The following SCHIP1 variants were observed in gnomAD, a reference collection of about 807,000 sequenced individuals.
The protein encoded by SCHIP1 is schwannomin interacting protein 1, also known as schwannomin-interacting protein 1.
SCHIP1 carries 8 observed loss-of-function variants against 29.7 expected under a neutral mutation model. That is an observed-to-expected ratio of 0.27 (90% CI 0.16 to 0.49). The LOEUF is 0.49. Among genes scored for constraint, SCHIP1 ranks in the 20% least tolerant of loss-of-function variants. SCHIP1 has a pLI of 0.99. For synonymous variants in SCHIP1, 76 were observed against 94.9 expected (o/e 0.80, Z 1.16); for missense variants, 193 against 294.6 (o/e 0.66, Z 2.52).
chr3:159,411,925 TGAAAG>T, the SCHIP1 span, among the ~76,000 whole-genome samples: 2 of 152,158 alleles, frequency 1.3e-5, no homozygotes, highest in South Asian at 2.1e-4. Context: ...AGCCTAGACT[TGAAAG>T]AGAAGAGCAA....
chr3:159,764,834 T>A, the SCHIP1 span: 6 of 1,590,114 alleles, frequency 3.8e-6, no homozygotes, highest in Non-Finnish European at 5.1e-6. The surrounding 1 kb of genome is among the most constrained non-coding windows in gnomAD (Gnocchi z 6.1). Context: ...AACGGCAACC[T>A]CCACCAGCAC....
chr3:159,346,647 C>T, the SCHIP1 span, among the ~76,000 whole-genome samples: 1 of 152,008 alleles, frequency 6.6e-6, no homozygotes, highest in South Asian at 2.1e-4. Context: ...CTTAGTGCAT[C>T]GTAGAGAATA....
At chr3:159,358,416 G>C in the SCHIP1 span, among the ~76,000 whole-genome samples, 1 of 152,200 alleles carries the variant, frequency 6.6e-6, no homozygotes, top group Non-Finnish European at 1.5e-5. Context: ...TTGGGAAATG[G>C]CAAGAGATAT....
the SCHIP1 span, among the ~76,000 whole-genome samples, chr3:159,341,305 C>T: frequency 2.4e-4 from 37 of 152,112 alleles, no homozygotes; most frequent in Non-Finnish European, 4.0e-4. Context: ...TAGAGTGCCT[C>T]TCTCAACTCC....
chr3:159,309,155 AC>A, the SCHIP1 span: 9 of 228,490 alleles, frequency 3.9e-5, no homozygotes, highest in African/African-American at 1.6e-4. Flanking sequence ...TTAAAAAAAA[AC>A]AATTATAATG....
the SCHIP1 span, among the ~76,000 whole-genome samples, chr3:159,635,893 G>A: frequency 1.3e-5 from 2 of 152,134 alleles, no homozygotes; most frequent in African/African-American, 2.4e-5. Context: ...TGTCTTAATA[G>A]ATATTTGGGA....
the SCHIP1 span, among the ~76,000 whole-genome samples, chr3:159,329,874 T>G: frequency 6.6e-6 from 1 of 152,080 alleles, no homozygotes; most frequent in African/African-American, 2.4e-5. Context: ...TTAGTATTTT[T>G]TTTTTTCAAA....
At chr3:159,797,883 G>A in the SCHIP1 span, among the ~76,000 whole-genome samples, 5 of 152,318 alleles carry the variant, frequency 3.3e-5, no homozygotes, top group African/African-American at 9.6e-5. Flanking sequence ...AGAGGAAAGG[G>A]TGGAGGAAAG....
chr3:159,877,639 CCT>C (rs1447854434), intron 2 of SCHIP1, among the ~76,000 whole-genome samples: 1 of 151,960 alleles, frequency 6.6e-6, no homozygotes, highest in African/African-American at 2.4e-5. Flanking sequence ...CAGGAATATG[CCT>C]CAGAAACACA....
the SCHIP1 span, among the ~76,000 whole-genome samples, chr3:159,756,098 T>C: frequency 6.6e-6 from 1 of 152,230 alleles, no homozygotes; most frequent in African/African-American, 2.4e-5. Flanking sequence ...GTGGTCCTCT[T>C]CTCACAGCTC....
the SCHIP1 span, among the ~76,000 whole-genome samples, chr3:159,617,713 C>T: frequency 6.0e-5 from 9 of 151,002 alleles, no homozygotes; most frequent in South Asian, 6.4e-4. Context: ...CCATTTACTA[C>T]CCCCCCTAGG....
the SCHIP1 span, among the ~76,000 whole-genome samples, chr3:159,629,106 A>C: frequency 1.3e-5 from 2 of 152,056 alleles, no homozygotes; most frequent in Non-Finnish European, 2.9e-5. Context: ...TATATTCTGT[A>C]TCTGTAACTC....
At chr3:159,342,765 A>T in the SCHIP1 span, among the ~76,000 whole-genome samples, 1 of 152,220 alleles carries the variant, frequency 6.6e-6, no homozygotes, top group Non-Finnish European at 1.5e-5. Flanking sequence ...GTGCCAAATG[A>T]CTAGACAGTC....
At chr3:159,459,304 A>AAAT in the SCHIP1 span, among the ~76,000 whole-genome samples, 3 of 152,142 alleles carry the variant, frequency 2.0e-5, no homozygotes, top group South Asian at 6.2e-4. Flanking sequence ...AGCCATTTTA[A>AAAT]GGTTATGGCC....
At chr3:159,703,468 G>T in the SCHIP1 span, among the ~76,000 whole-genome samples, 2 of 152,006 alleles carry the variant, frequency 1.3e-5, no homozygotes, top group African/African-American at 4.8e-5. Flanking sequence ...TAGAGATATG[G>T]GTAAATTGTG....
At chr3:159,462,007 C>T in the SCHIP1 span, among the ~76,000 whole-genome samples, 52 of 152,014 alleles carry the variant, frequency 3.4e-4, no homozygotes, top group African/African-American at 1.0e-3. Context: ...ATCAGGGGTT[C>T]GAGTCTGGCC....
the SCHIP1 span, among the ~76,000 whole-genome samples, chr3:159,762,943 GAA>G: frequency 5.4e-4 from 82 of 152,342 alleles, 2 homozygotes; most frequent in African/African-American, 1.6e-3. Context: ...GGAGGTGGCG[GAA>G]AGAGTCTCTG....
the SCHIP1 span, among the ~76,000 whole-genome samples, chr3:159,419,985 C>T: frequency 6.6e-6 from 1 of 152,154 alleles, no homozygotes; most frequent in Non-Finnish European, 1.5e-5. Flanking sequence ...AAAATTTCTG[C>T]CTATTGTCTG....
chr3:159,483,033 A>C, the SCHIP1 span, among the ~76,000 whole-genome samples: 1 of 151,970 alleles, frequency 6.6e-6, no homozygotes, highest in Admixed American at 6.6e-5. Flanking sequence ...ATATCTTATC[A>C]CTCTTCAAAG....
Sources: gnomAD v4.1 joint callset for allele counts (sites outside exome capture counted in the v4.1 genomes callset) on GRCh38, gnomAD v4.1.1 for gene constraint, Gnocchi (gnomAD v3.1) non-coding constraint, MANE v1.5 for transcripts, NCBI Gene and HGNC (gene_info 2026-07-23, HGNC 2026-07-21) for gene names.